The following OXNAD1 variants were observed in gnomAD, a reference collection of about 807,000 sequenced individuals.
OXNAD1 encodes oxidoreductase NAD binding domain containing 1.
Under a neutral mutation model 32.9 loss-of-function variants are expected in OXNAD1, and 34 were observed. That is an observed-to-expected ratio of 1.03 (90% CI 0.79 to 1.38). The LOEUF is 1.38. Among genes scored for constraint, OXNAD1 ranks in the 40% most tolerant of loss-of-function variants. OXNAD1 has a pLI of 0.00. For synonymous variants in OXNAD1, 134 were observed against 135.2 expected (o/e 0.99, Z 0.06); for missense variants, 407 against 379.4 (o/e 1.07, Z -0.60).
chr3:16,326,999 A>G lies in OXNAD1; in HGVS notation c.*31-10113A>G, dbSNP rs565290606. 2.6e-4 allele frequency: 171 copies of G among 665,704 alleles called. No homozygotes were observed. In the African/African-American group the frequency reaches 3.0e-3, roughly 12 times the overall value. 41.2% of individuals were successfully genotyped at this position (665,704 alleles called of 1,614,324 possible). On this transcript the variant is annotated intron_variant, in intron 9 of 9. Coordinates refer to the OXNAD1 transcript ENST00000435829. ...AAGAAGTGGCGGTGCCCGGCCACTC[A>G]GAGGCTCCTGCTCCGATGCTTGCTG...
chr3:16,292,853 G>A (rs2066520626), intron 5 of OXNAD1, among the ~76,000 whole-genome samples: 1 of 152,098 alleles, frequency 6.6e-6, no homozygotes, highest in African/African-American at 2.4e-5. Context: ...TTTATTTCTG[G>A]ACATTCCGTT....
rs573740457 is a variant in OXNAD1, at chr3:16,288,112, T to C, written c.290+1664T>C. On this transcript the variant is annotated intron_variant, in intron 5 of 8. Coordinates refer to ENST00000285083, the MANE Select transcript of OXNAD1 (RefSeq NM_138381.5). The surrounding 1 kb of genome is among the most constrained non-coding windows in gnomAD (Gnocchi z 5.1). ...GAGTTCCTTTTGATATTTGACCTTATGGTCACAGAATGGCCATTTTGCTGA... is the reference window on the plus strand; with the variant it reads ...GAGTTCCTTTTGATATTTGACCTTACGGTCACAGAATGGCCATTTTGCTGA... Among the ~76,000 whole-genome samples the C allele has an allele frequency of 2.0e-5, 3 of 152,184 alleles. No individual in the cohort carries two copies. Among genetic ancestry groups the C allele is most frequent in the Non-Finnish European group, 2.9e-5 (2 of 68,030 alleles).
chr3:16,302,860 A>C lies in OXNAD1; in HGVS notation c.784+112A>C. ...GAAGCTGCTGGCTGGGAATGTCACTATCTGGGGAATTGGGATGATTCCTCA... is the reference window on the plus strand; with the variant it reads ...GAAGCTGCTGGCTGGGAATGTCACTCTCTGGGGAATTGGGATGATTCCTCA... On this transcript the variant is annotated intron_variant, in intron 8 of 8. Transcript: ENST00000285083. The surrounding 1 kb of genome is among the most constrained non-coding windows in gnomAD (Gnocchi z 4.2). The C allele has an allele frequency of 1.2e-6, 1 of 800,710 alleles. No individual in the cohort carries two copies. Among genetic ancestry groups the C allele is most frequent in the South Asian group, 1.6e-5 (1 of 63,822 alleles). The allele number at this position is 800,710 out of a possible 1,614,324, so 49.6% of individuals were successfully genotyped here.
chr3:16,273,353 AAGAT>A lies in OXNAD1; in HGVS notation c.183+1642_183+1645del, dbSNP rs1442711498. Reference sequence around the variant, plus strand: ...TACATAATAATATTTTAAGACAGGTAAGATAGATAGATAGTTAATAGTATTTTCT... The same window carrying A: ...TACATAATAATATTTTAAGACAGGTAAGATAGATAGTTAATAGTATTTTCT... On this transcript the variant is annotated intron_variant, in intron 4 of 8. Transcript: ENST00000285083. Among the ~76,000 whole-genome samples the A allele has an allele frequency of 1.1e-4, 16 of 151,872 alleles. 2 individuals carry two copies. Among genetic ancestry groups the A allele is most frequent in the Admixed American group, 1.3e-4 (2 of 15,262 alleles).
rs1165748674 is a variant in OXNAD1, at chr3:16,297,027, G to A, written c.432+2030G>A. Among the ~76,000 whole-genome samples the A allele has an allele frequency of 1.3e-5, 2 of 152,094 alleles. 1 individual carries two copies. The highest frequency in any genetic ancestry group is 3.8e-4 in the East Asian group (2 of 5,200). The stretch of plus-strand genomic sequence containing the variant: ...AAAAGTAAAACTTTTTCTACAAAAG[G>A]CATTTAACACAATTTAAAAACAAGC... On this transcript the variant is annotated intron_variant, in intron 6 of 8. Coordinates refer to ENST00000285083, the MANE Select transcript of OXNAD1 (RefSeq NM_138381.5). The surrounding 1 kb of genome is among the most constrained non-coding windows in gnomAD (Gnocchi z 4.3).
Position 16,270,997 on chromosome 3 carries a change from TG to T in OXNAD1, c.46del (p.Val16LeufsTer11). On this transcript the variant is annotated frameshift_variant, in exon 3 of 9. Transcript: ENST00000285083. LOFTEE classifies it high-confidence loss of function. ...TGATTCCTGGGTTGTTGCGGTGCTC[TG>T]TTGGAGCCATCCGTATTGAGGCTGC... ...VMIPGLLRCS[V>X]GAIRIEAASL... The T allele has an allele frequency of 6.2e-7, 1 of 1,614,220 alleles. No individual in the cohort carries two copies. Among genetic ancestry groups the T allele is most frequent in the Non-Finnish European group, 8.5e-7 (1 of 1,180,030 alleles).
downstream of OXNAD1, among the ~76,000 whole-genome samples, chr3:16,308,210 G>T (rs577527535): frequency 1.3e-5 from 2 of 152,332 alleles, no homozygotes; most frequent in African/African-American, 4.8e-5. The surrounding 1 kb of genome is among the most constrained non-coding windows in gnomAD (Gnocchi z 4.4). Flanking sequence ...AAAATTGAAA[G>T]TGGAAATGCT....
Position 16,316,739 on chromosome 3 carries a change from ACAC to A in OXNAD1, c.*30+13150_*30+13152del. ...CAAGCCAAAGGGTAGGTAACACACA[ACAC>A]CAGGGAAACCAGCCCCCAAACCAGC... On this transcript the variant is annotated intron_variant, in intron 9 of 9. Transcript: ENST00000435829. This position sits in a 1 kb window ranked among gnomAD's most constrained non-coding sequence, Gnocchi z 4.5. 3.3e-6 allele frequency: 5 copies of A among 1,520,222 alleles called. No homozygotes were observed. The highest frequency in any genetic ancestry group is 4.5e-6 in the Non-Finnish European group (5 of 1,099,176). The allele number at this position is 1,520,222 out of a possible 1,614,324, so 94.2% of individuals were successfully genotyped here.
chr3:16,306,405 G>C (rs1323827564), downstream of OXNAD1, among the ~76,000 whole-genome samples: 1 of 152,066 alleles, frequency 6.6e-6, no homozygotes. Context: ...ATTTCTAACA[G>C]ATACATCACC....
intron 4 of OXNAD1, chr3:16,275,250 T>C (rs2065234759): frequency 6.4e-6 from 1 of 156,890 alleles, no homozygotes; most frequent in Admixed American, 6.5e-5. Flanking sequence ...AAATGTTCTT[T>C]AGTTGTGTCT....
chr3:16,270,853 T>A, intron 2 of OXNAD1, 92 bp from the exon 3 acceptor site: 1 of 1,547,950 alleles, frequency 6.5e-7, no homozygotes, highest in Non-Finnish European at 8.7e-7. Flanking sequence ...CCAACAGAAA[T>A]CCACACTCTT....
At chr3:16,328,622 G>A (rs144605350) in intron 9 of OXNAD1, among the ~76,000 whole-genome samples, 5 of 152,310 alleles carry the variant, frequency 3.3e-5, no homozygotes, top group African/African-American at 7.2e-5. Context: ...AGCATGGCCC[G>A]AGCCGGCAGC....
At chr3:16,350,715 G>C (rs1259371029), downstream of OXNAD1, among the ~76,000 whole-genome samples, 1 of 152,152 alleles carries the variant, frequency 6.6e-6, no homozygotes, top group Non-Finnish European at 1.5e-5. Flanking sequence ...GGAGGGGTTT[G>C]GGTGTTGATT....
chr3:16,314,279 C>T lies in OXNAD1; in HGVS notation c.*30+10687C>T, dbSNP rs2068180377. ...ATCACAGGGAACTTAACATTTCCTT[C>T]AGAAATGCCTCCACTTGAAATGTAC... On this transcript the variant is annotated intron_variant, in intron 9 of 9. Coordinates refer to the OXNAD1 transcript ENST00000435829. This position sits in a 1 kb window ranked among gnomAD's most constrained non-coding sequence, Gnocchi z 4.4. Among the ~76,000 whole-genome samples the T allele has an allele frequency of 6.6e-6, 1 of 152,144 alleles. No individual in the cohort carries two copies. The highest frequency in any genetic ancestry group is 2.4e-5 in the African/African-American group (1 of 41,432).
At chr3:16,341,599 A>T (rs1327344045), downstream of OXNAD1, among the ~76,000 whole-genome samples, 1 of 152,208 alleles carries the variant, frequency 6.6e-6, no homozygotes, top group Non-Finnish European at 1.5e-5. The surrounding 1 kb of genome is among the most constrained non-coding windows in gnomAD (Gnocchi z 4.7). Context: ...TATGAACCTA[A>T]AACTACTCTA....
downstream of OXNAD1, among the ~76,000 whole-genome samples, chr3:16,308,400 C>T (rs115740743): frequency 0.029 from 4,360 of 152,076 alleles, 98 homozygotes; most frequent in Middle Eastern, 0.082. The surrounding 1 kb of genome is among the most constrained non-coding windows in gnomAD (Gnocchi z 4.4). Context: ...AGCACAAACA[C>T]GTGTGGATGC....
At chr3:16,331,638 T>C (rs1278267043) in intron 9 of OXNAD1, among the ~76,000 whole-genome samples, 2 of 152,246 alleles carry the variant, frequency 1.3e-5, no homozygotes, top group African/African-American at 4.8e-5. Context: ...TCCAAGATCC[T>C]AAATACATTA....
rs2067412140 is a variant in OXNAD1, at chr3:16,304,574, C to A, written c.*1012C>A. ...TCATCCCAAAGCTGCTCTGATGAAA[C>A]TGCTAGAAAGCAGATTGTAGTTCTT... On this transcript the variant is annotated 3_prime_UTR_variant, in exon 9 of 9. Transcript: ENST00000285083. The surrounding 1 kb of genome is among the most constrained non-coding windows in gnomAD (Gnocchi z 4.6). The A allele has an allele frequency of 6.6e-6, 1 of 152,188 alleles. No homozygotes were observed. Among genetic ancestry groups the A allele is most frequent in the Non-Finnish European group, 1.5e-5 (1 of 68,026 alleles). The allele number at this position is 152,188 out of a possible 1,614,324, so 9.4% of individuals were successfully genotyped here. A position where few individuals can be genotyped will look rare whatever the true frequency, so the allele number is the denominator to read the frequency against.
At chr3:16,319,901 T>A (rs2068848459) in intron 9 of OXNAD1, among the ~76,000 whole-genome samples, 1 of 152,148 alleles carries the variant, frequency 6.6e-6, no homozygotes, top group Admixed American at 6.5e-5. Context: ...GACTCCAGGT[T>A]TTGAGTAGGA....
Sources: gnomAD v4.1 joint callset for allele counts (sites outside exome capture counted in the v4.1 genomes callset) on GRCh38, gnomAD v4.1.1 for gene constraint, Gnocchi (gnomAD v3.1) non-coding constraint, MANE v1.5 for transcripts, NCBI Gene and HGNC (gene_info 2026-07-23, HGNC 2026-07-21) for gene names.